GMNC: variants seen among roughly 807,000 people sequenced by gnomAD.
GMNC encodes geminin coiled-coil domain containing.
GMNC carries 16 observed loss-of-function variants against 33.6 expected under a neutral mutation model. That is an observed-to-expected ratio of 0.48 (90% confidence interval 0.32 to 0.72). The LOEUF (loss-of-function observed/expected upper bound fraction) is 0.72. Ranked by LOEUF, GMNC falls within the 30% of genes least tolerant of loss-of-function variation. The pLI, the probability that GMNC is intolerant of heterozygous loss-of-function variation, is 0.03. For missense variants in GMNC, 393 were observed against 388.9 expected (o/e 1.01, Z -0.09); for synonymous variants, 156 against 147.3 (o/e 1.06, Z -0.43).
chr3:190,843,486 T>C, the GMNC span, among the ~76,000 whole-genome samples: 1 of 152,152 alleles, frequency 6.6e-6, no homozygotes, highest in Admixed American at 6.6e-5. Flanking sequence ...TCTATTTTAG[T>C]TAAAGCCTTG....
At chr3:190,844,500 T>C in the GMNC span, among the ~76,000 whole-genome samples, 1 of 148,470 alleles carries the variant, frequency 6.7e-6, no homozygotes, top group African/African-American at 2.5e-5. Context: ...TAAATTTATA[T>C]GCATATTTCA....
At chr3:190,860,567 TTTAC>T in intron 2 of GMNC, 113 bp downstream of exon 2, 1 of 834,160 alleles carries the variant, frequency 1.2e-6, no homozygotes, top group Non-Finnish European at 1.8e-6. Context: ...AGTCCTTGGG[TTTAC>T]TTAAATTTTC....
In GMNC at chr3:190,855,176, T is replaced by G. The variant is rs1737703541; in HGVS notation, c.*119A>C. 8.9e-6 allele frequency: 9 copies of G among 1,006,180 alleles called. No individual in the cohort carries two copies. The highest frequency in any genetic ancestry group is 1.3e-5 in the Non-Finnish European group (9 of 699,268). The allele number at this position is 1,006,180 out of a possible 1,614,324, so 62.3% of individuals were successfully genotyped here. A position where few individuals can be genotyped will look rare whatever the true frequency, so the allele number is the denominator to read the frequency against. ...TAAGTGGGTAATTGAGAGTGACATT[T>G]AAAGTGGCAGGAGACAGTCTAAGCA... is the stretch of plus-strand genomic sequence containing the variant. On this transcript the variant is annotated 3_prime_UTR_variant, in exon 5 of 5. Coordinates refer to ENST00000442080, the MANE Select transcript of GMNC (RefSeq NM_001146686.3).
At position 190,852,832 on chromosome 3, in the gene GMNC, G is replaced by C. The variant is rs923463065; in HGVS notation, c.*2463C>G. ...CACTATAGCTTAAAATATTAACTGT[G>C]GTTTACCAGAGAGACATGGTGAAGC... On this transcript the variant is annotated 3_prime_UTR_variant, in exon 5 of 5. Transcript: ENST00000442080. 6.6e-6 allele frequency: 1 copy of C among 152,060 alleles called. No individual in the cohort carries two copies. The highest frequency in any genetic ancestry group is 2.4e-5 in the African/African-American group (1 of 41,420). The allele number at this position is 152,060 out of a possible 1,614,324, so 9.4% of individuals were successfully genotyped here.
the GMNC span, among the ~76,000 whole-genome samples, chr3:190,844,888 A>G: frequency 2.0e-5 from 3 of 152,298 alleles, no homozygotes; most frequent in South Asian, 2.1e-4. Flanking sequence ...GGGATTGATA[A>G]ATTAGCTTAC....
downstream of GMNC, among the ~76,000 whole-genome samples, chr3:190,848,013 G>A (rs951614542): frequency 6.6e-6 from 1 of 152,136 alleles, no homozygotes; most frequent in Admixed American, 6.6e-5. Flanking sequence ...TGTCTATAAA[G>A]GGTAGGCCTG....
At chr3:190,857,740 C>A in intron 4 of GMNC, 43 bp downstream of exon 4, 1 of 965,472 alleles carries the variant, frequency 1.0e-6, no homozygotes, top group South Asian at 1.4e-5. Context: ...TTTCTCAAAT[C>A]ACTGCTTTGT....
At position 190,859,066 on chromosome 3, in the gene GMNC, G is replaced by A. The variant is rs555635864; in HGVS notation, c.179-50C>T. On this transcript the variant is annotated intron_variant, in intron 2 of 4. Coordinates refer to ENST00000442080, the MANE Select transcript of GMNC (RefSeq NM_001146686.3). ...GAGAAAATAATCTTGTAGTTTCTGT[G>A]TAATAAAGAAACTTATCAAATCAAA... is the stretch of plus-strand genomic sequence containing the variant. The A allele has an allele frequency of 1.4e-3, 1,525 of 1,128,964 alleles. 3 individuals carry two copies. Among genetic ancestry groups the A allele is most frequent in the Middle Eastern group, 2.7e-3 (14 of 5,094 alleles). The allele number at this position is 1,128,964 out of a possible 1,614,324, so 69.9% of individuals were successfully genotyped here.
At chr3:190,859,231 A>T (rs1048303746) in intron 2 of GMNC, among the ~76,000 whole-genome samples, 1 of 152,216 alleles carries the variant, frequency 6.6e-6, no homozygotes, top group African/African-American at 2.4e-5. Flanking sequence ...CATAGCAGTT[A>T]AAAAGGTAAA....
rs1737698714 is a variant in GMNC, at chr3:190,854,891, A to C, written c.*404T>G. The C allele has an allele frequency of 5.3e-6, 1 of 189,290 alleles. No individual in the cohort carries two copies. Among genetic ancestry groups the C allele is most frequent in the Non-Finnish European group, 1.1e-5 (1 of 89,080 alleles). The allele number at this position is 189,290 out of a possible 1,614,324, so 11.7% of individuals were successfully genotyped here. On this transcript the variant is annotated 3_prime_UTR_variant, in exon 5 of 5. Coordinates refer to ENST00000442080, the MANE Select transcript of GMNC (RefSeq NM_001146686.3). The stretch of plus-strand genomic sequence containing the variant: ...AGGGCTCATTCTAAAGACAGTTTTC[A>C]GAAATGACAAAGGGAGAAAAGTAAA...
rs1364344069 is a variant in GMNC at position 190,859,133 on chromosome 3, A to G, written c.179-117T>C. On this transcript the variant is annotated intron_variant, in intron 2 of 4. Transcript: ENST00000442080. The stretch of plus-strand genomic sequence containing the variant: ...GTTCAATTATTTTTCTTAAACAGCT[A>G]TTGCTGCCATACAGGAAAACAAGAC... 1.5e-5 allele frequency: 10 copies of G among 645,252 alleles called. 1 individual carries two copies. Among genetic ancestry groups the G allele is most frequent in the East Asian group, 2.8e-5 (1 of 35,398 alleles). The allele number at this position is 645,252 out of a possible 1,614,324, so 40.0% of individuals were successfully genotyped here.
chr3:190,860,955 G>T, intron 1 of GMNC, 97 bp from the exon 2 acceptor site: 1 of 779,572 alleles, frequency 1.3e-6, no homozygotes, highest in Non-Finnish European at 2.0e-6. Context: ...GAAATTACAT[G>T]CAGTGAAATA....
downstream of GMNC, among the ~76,000 whole-genome samples, chr3:190,851,608 C>A (rs1245727450): frequency 1.3e-5 from 2 of 152,126 alleles, no homozygotes; most frequent in Admixed American, 1.3e-4. Context: ...GAAACGGAGG[C>A]TATATCTCAG....
rs1275814923 is a variant in GMNC at position 190,855,591 on chromosome 3, G to T, written c.709C>A (p.Pro237Thr). The change falls in exon 5 of 5, where the codon CCC becomes ACC. Residue 237 changes from proline to threonine, a missense_variant. By Grantham distance (38) the Pro-to-Thr change is conservative. Coordinates refer to ENST00000442080, the MANE Select transcript of GMNC (RefSeq NM_001146686.3). ...TAGTCAATTGGCATATCCTCTCTGG[G>T]GATATTTTTATAATCAACTGCATCA... The part of the protein sequence containing the change: ...PDDAVDYKNI[P>T]REDMPIDYRG... 4 of 1,551,370 alleles carry T rather than the reference G, an allele frequency of 2.6e-6. No homozygotes were observed. The African/African-American group carries it at 5.5e-5, about 21-fold the overall frequency.
rs1285721830 is a variant in GMNC at position 190,861,323 on chromosome 3, A to G, written c.4-465T>C. ...GCTAAAGCTGAAATGGATGTGACAT[A>G]ATATAGACTAACGTCTTCATTTTTG... On this transcript the variant is annotated intron_variant, in intron 1 of 4. Coordinates refer to ENST00000442080, the MANE Select transcript of GMNC (RefSeq NM_001146686.3). The surrounding 1 kb of genome is among the most constrained non-coding windows in gnomAD (Gnocchi z 5.1). 6.6e-6 allele frequency among the ~76,000 whole-genome samples: 1 copy of G among 152,216 alleles called. No individual in the cohort carries two copies. Among genetic ancestry groups the G allele is most frequent in the African/African-American group, 2.4e-5 (1 of 41,452 alleles).
rs1293515272 is a variant in GMNC, at chr3:190,854,041, T to C, written c.*1254A>G. On this transcript the variant is annotated 3_prime_UTR_variant, in exon 5 of 5. Coordinates refer to ENST00000442080, the MANE Select transcript of GMNC (RefSeq NM_001146686.3). ...ATGTTAACTTCAAATGACTTATGTT[T>C]TTGAATTTTATTAATTGTACATAAA... 1 of 152,176 alleles carries C rather than the reference T, an allele frequency of 6.6e-6. No individual in the cohort carries two copies. The highest frequency in any genetic ancestry group is 1.5e-5 in the Non-Finnish European group (1 of 68,018). The allele number at this position is 152,176 out of a possible 1,614,324, so 9.4% of individuals were successfully genotyped here. A position where few individuals can be genotyped will look rare whatever the true frequency, so the allele number is the denominator to read the frequency against.
At position 190,858,923 on chromosome 3, in the gene GMNC, C is replaced by G. The variant is rs905437976; in HGVS notation, c.267+5G>C. 5.9e-6 allele frequency: 9 copies of G among 1,526,890 alleles called. No individual in the cohort carries two copies. The highest frequency in any genetic ancestry group is 8.0e-6 in the Non-Finnish European group (9 of 1,124,860). 94.6% of individuals were successfully genotyped at this position (1,526,890 alleles called of 1,614,324 possible). On this transcript the variant is annotated splice_donor_5th_base_variant and intron_variant, in intron 3 of 4. Coordinates refer to ENST00000442080, the MANE Select transcript of GMNC (RefSeq NM_001146686.3). ...ACCAGTCTCAATGTTCTGACTTACA[C>G]ATACCTGCTTATTTCTGTAGAGCTG...
At chr3:190,849,034 AG>A (rs1302009475), downstream of GMNC, among the ~76,000 whole-genome samples, 1 of 152,198 alleles carries the variant, frequency 6.6e-6, no homozygotes, top group Non-Finnish European at 1.5e-5. Flanking sequence ...TTCATCATCT[AG>A]GGCTATGCTG....
chr3:190,858,873 TG>T (rs1737803578), intron 3 of GMNC, 54 bp downstream of exon 3: 2 of 1,009,010 alleles, frequency 2.0e-6, no homozygotes, highest in Non-Finnish European at 3.0e-6. Context: ...ATATTAGCAG[TG>T]GGGAATGGAC....
Sources: allele counts gnomAD v4.1 joint callset (sites outside exome capture counted in the v4.1 genomes callset), GRCh38; gene constraint gnomAD v4.1.1; non-coding constraint Gnocchi (gnomAD v3.1); transcripts MANE v1.5; gene names NCBI Gene and HGNC (gene_info 2026-07-23, HGNC 2026-07-21).